The following HELLS variants were observed in gnomAD, a reference collection of about 807,000 sequenced individuals.
HELLS encodes helicase, lymphoid specific, also known as lymphoid-specific helicase.
Under a neutral mutation model 120.0 loss-of-function variants are expected in HELLS, and 32 were observed. The observed-to-expected ratio is 0.27, with a 90% confidence interval of 0.20 to 0.36. The LOEUF is 0.36. HELLS is among the 10% of genes least tolerant of loss of function. The pLI, the probability that HELLS is intolerant of heterozygous loss-of-function variation, is 1.00. For missense variants in HELLS, 650 were observed against 993.4 expected, an observed-to-expected ratio of 0.65 and a Z score of 4.65; for synonymous variants, 341 against 323.4, an observed-to-expected ratio of 1.05 and a Z score of -0.58.
intron 12 of HELLS, among the ~76,000 whole-genome samples, chr10:94,585,372 T>TG (rs1360257916): frequency 3.1e-5 from 4 of 129,414 alleles, no homozygotes; most frequent in African/African-American, 1.2e-4. Flanking sequence ...GTTTTTTTTT[T>TG]TTGTTTGTTT....
intron 2 of HELLS, among the ~76,000 whole-genome samples, chr10:94,552,976 G>A (rs908320900): frequency 2.0e-5 from 3 of 152,076 alleles, no homozygotes; most frequent in Non-Finnish European, 2.9e-5. Context: ...AAACGGGGTG[G>A]GGGTGTTAAT....
chr10:94,604,436 C>T (rs187859301), downstream of HELLS, among the ~76,000 whole-genome samples: 13 of 152,108 alleles, frequency 8.5e-5, no homozygotes, highest in Middle Eastern at 3.4e-3. Flanking sequence ...CTATAAAAGT[C>T]GTCATGTCTC....
At chr10:94,562,153 C>T (rs1357986185) in intron 4 of HELLS, among the ~76,000 whole-genome samples, 1 of 151,832 alleles carries the variant, frequency 6.6e-6, no homozygotes, top group Non-Finnish European at 1.5e-5. Flanking sequence ...CCTGTAATCC[C>T]AGCACTTGGG....
chr10:94,599,980 T>C (rs1440194422), intron 21 of HELLS, among the ~76,000 whole-genome samples: 1 of 152,148 alleles, frequency 6.6e-6, no homozygotes, highest in Non-Finnish European at 1.5e-5. Context: ...ATTCTTGAAT[T>C]TTTCTTCTAA....
intron 21 of HELLS, among the ~76,000 whole-genome samples, chr10:94,600,418 A>G (rs1845976538): frequency 6.6e-6 from 1 of 152,254 alleles, no homozygotes; most frequent in East Asian, 1.9e-4. Flanking sequence ...TATACCAGGT[A>G]TAAAGTCTTA....
At chr10:94,575,098 A>ATTTTTT (rs570447113) in intron 9 of HELLS, among the ~76,000 whole-genome samples, 7 of 121,782 alleles carry the variant, frequency 5.7e-5, no homozygotes, top group East Asian at 2.3e-4. Context: ...ACCTTCTGCA[A>ATTTTTT]TTTTTTTTTT....
chr10:94,582,711 GTTAAT>G (rs1315573532), intron 11 of HELLS, among the ~76,000 whole-genome samples: 2 of 151,906 alleles, frequency 1.3e-5, no homozygotes, highest in Non-Finnish European at 2.9e-5. Context: ...CTGTACAATT[GTTAAT>G]CTATTTATAA....
downstream of HELLS, among the ~76,000 whole-genome samples, chr10:94,606,073 CTTTTTT>C (rs1453734069): frequency 8.6e-6 from 1 of 116,356 alleles, no homozygotes. Flanking sequence ...TTTTTTTTTT[CTTTTTT>C]TTTTTCATTT....
At chr10:94,609,188 G>A (rs1318155429) in intron 9 of HELLS, among the ~76,000 whole-genome samples, 1 of 151,716 alleles carries the variant, frequency 6.6e-6, no homozygotes, top group Non-Finnish European at 1.5e-5. Flanking sequence ...CACGCCCGGC[G>A]AGTTTTGTAT....
At chr10:94,598,004 CT>C (rs1399975616) in intron 21 of HELLS, among the ~76,000 whole-genome samples, 7,098 of 141,582 alleles carry the variant, frequency 0.05, 443 homozygotes, top group African/African-American at 0.15. Flanking sequence ...TATATTGCTT[CT>C]TTTTTTTTTT....
intron 13 of HELLS, among the ~76,000 whole-genome samples, chr10:94,588,997 A>G (rs1845321162): frequency 6.6e-6 from 1 of 152,170 alleles, no homozygotes; most frequent in Non-Finnish European, 1.5e-5. Flanking sequence ...AAAACACAAA[A>G]TTAGCTAGGC....
At chr10:94,587,246 T>C (rs1347446116) in intron 12 of HELLS, among the ~76,000 whole-genome samples, 1 of 152,098 alleles carries the variant, frequency 6.6e-6, no homozygotes, top group East Asian at 1.9e-4. Context: ...TTAAAAAATT[T>C]TTAATTTTTA....
chr10:94,549,249 G>A (rs1470316881), intron 2 of HELLS, among the ~76,000 whole-genome samples: 1 of 152,112 alleles, frequency 6.6e-6, no homozygotes, highest in Admixed American at 6.6e-5. Flanking sequence ...CTATGCACAG[G>A]TAGAGATTCC....
In HELLS at chr10:94,582,743, CT is replaced by C. The variant is rs546913600; in HGVS notation, c.1230-217del. On this transcript the variant is annotated intron_variant, in intron 11 of 21. Transcript: ENST00000348459. ...TATTTATAAATCAGAAAAGTGTTCC[CT>C]TTAAGCTCACAGTTCTTGATGGTTC... Among the ~76,000 whole-genome samples, 4 of 152,164 alleles carry C rather than the reference CT, an allele frequency of 2.6e-5. No homozygotes were observed. The South Asian group carries it at 8.3e-4, about 32-fold the overall frequency.
chr10:94,580,712 G>A (rs1445296597), intron 10 of HELLS, among the ~76,000 whole-genome samples: 1 of 151,888 alleles, frequency 6.6e-6, no homozygotes, highest in Admixed American at 6.6e-5. Flanking sequence ...TTTAAGGATA[G>A]TTATATTTTT....
chr10:94,605,036 C>T (rs1279079309), downstream of HELLS, among the ~76,000 whole-genome samples: 1 of 139,742 alleles, frequency 7.2e-6, no homozygotes, highest in African/African-American at 2.8e-5. Context: ...TTGGCTGTTT[C>T]ATGTTTTGGA....
At chr10:94,586,416 C>T (rs553329580) in intron 12 of HELLS, among the ~76,000 whole-genome samples, 16 of 152,256 alleles carry the variant, frequency 1.1e-4, no homozygotes, top group Non-Finnish European at 1.8e-4. Flanking sequence ...CCACCGCGCC[C>T]GGCCGGACAT....
intron 18 of HELLS, among the ~76,000 whole-genome samples, 170 bp downstream of exon 18, chr10:94,593,785 CCT>C (rs1845611373): frequency 6.6e-6 from 1 of 151,878 alleles, no homozygotes; most frequent in South Asian, 2.1e-4. Context: ...GCCTCAGCCC[CCT>C]GAGTAGCTGT....
rs1043925031 is a variant in HELLS, at chr10:94,545,952, G to C, written c.31G>C (p.Gly11Arg). 4 of 1,556,054 alleles carry C rather than the reference G, an allele frequency of 2.6e-6. No individual in the cohort carries two copies. In the Admixed American group the frequency reaches 5.8e-5, roughly 23 times the overall value. MPAERPAGSG[G>R]SEAPAMVEQL... ...AGCGGAACGGCCCGCGGGCAGCGGC[G>C]GTGAGTGAGGAAAACCTTTTGGGCG... Residue 11 changes from glycine (G) to arginine (R), a missense_variant and splice_region_variant, in exon 1 of 22, where the codon GGC becomes CGC. By Grantham distance (125) the Gly-to-Arg change is moderately radical (BLOSUM62 -2). Transcript: ENST00000348459.
Sources: allele counts gnomAD v4.1 joint callset (sites outside exome capture counted in the v4.1 genomes callset), GRCh38; gene constraint gnomAD v4.1.1; transcripts MANE v1.5; gene names NCBI Gene and HGNC (gene_info 2026-07-23, HGNC 2026-07-21).